PTPRA: variants seen among roughly 807,000 people sequenced by gnomAD.
PTPRA encodes the protein protein tyrosine phosphatase receptor type A.
A neutral mutation model predicts 104.8 loss-of-function variants in PTPRA; 25 were observed. That is an observed-to-expected ratio of 0.24 (90% CI 0.17 to 0.33). PTPRA has a LOEUF of 0.33. Ranked by LOEUF, PTPRA falls within the 10% of genes least tolerant of loss-of-function variation. The probability of loss-of-function intolerance (pLI) is 1.00; values close to 1 mark genes in which losing one functional copy is unlikely to be tolerated. For missense variants in PTPRA, 765 were observed against 1,015.3 expected, an observed-to-expected ratio of 0.75 and a Z score of 3.35; for synonymous variants, 323 against 368.9, an observed-to-expected ratio of 0.88 and a Z score of 1.43.
In PTPRA at chr20:3,021,440, T is replaced by C. The variant is rs200999079; in HGVS notation, c.1161+12T>C. 53 of 1,613,620 alleles carry C rather than the reference T, an allele frequency of 3.3e-5. No homozygotes were observed. Among genetic ancestry groups the C allele is most frequent in the East Asian group, 2.2e-5 (1 of 44,882 alleles). On this transcript the variant is annotated intron_variant, in intron 14 of 23. Transcript: ENST00000399903. ...TCTGCATCCAGCAGGTAGTGTCTCC[T>C]CTGTCCTTTCTCAGTTCTTATGTTG...
chr20:3,003,718 T>G (rs1022994192), intron 9 of PTPRA, among the ~76,000 whole-genome samples: 6 of 149,774 alleles, frequency 4.0e-5, no homozygotes, highest in African/African-American at 1.5e-4. Flanking sequence ...TTTTTTTTTT[T>G]TTTTTAATGT....
intron 5 of PTPRA, among the ~76,000 whole-genome samples, chr20:2,973,359 T>A (rs1428927414): frequency 1.3e-5 from 2 of 152,238 alleles, no homozygotes; most frequent in African/African-American, 4.8e-5. Context: ...TATTTAGTGC[T>A]GTGAATTTTG....
intron 1 of PTPRA, among the ~76,000 whole-genome samples, chr20:2,897,813 C>T (rs544396302): frequency 6.6e-6 from 1 of 151,698 alleles, no homozygotes; most frequent in African/African-American, 2.4e-5. Flanking sequence ...GTTCCTTTTT[C>T]ATGTATTTTT....
At chr20:2,867,944 G>A in the PTPRA span, among the ~76,000 whole-genome samples, 2 of 152,228 alleles carry the variant, frequency 1.3e-5, no homozygotes, top group Non-Finnish European at 2.9e-5. Context: ...TTCATTATGT[G>A]GGTCAAGAAT....
chr20:2,879,922 C>T (rs1016527832), intron 1 of PTPRA, among the ~76,000 whole-genome samples: 2 of 152,182 alleles, frequency 1.3e-5, no homozygotes, highest in African/African-American at 4.8e-5. Flanking sequence ...CATCAGGACT[C>T]ATCCTCAGAA....
At chr20:2,975,072 G>A (rs2062373022) in intron 5 of PTPRA, 143 bp from the exon 6 acceptor site, 2 of 659,556 alleles carry the variant, frequency 3.0e-6, no homozygotes, top group Non-Finnish European at 5.1e-6. Flanking sequence ...GTGAATCTGG[G>A]CAGCCTTGTT....
At chr20:2,947,895 C>A in intron 2 of PTPRA, 87 bp from the exon 3 acceptor site, 1 of 545,964 alleles carries the variant, frequency 1.8e-6, no homozygotes, top group Non-Finnish European at 2.9e-6. Context: ...ATTTGCCTAT[C>A]GATAATTTCT....
chr20:2,918,036 C>T (rs943259441), intron 1 of PTPRA, among the ~76,000 whole-genome samples: 1 of 144,680 alleles, frequency 6.9e-6, no homozygotes, highest in South Asian at 2.2e-4. Flanking sequence ...TTCAGTGAGC[C>T]GAGATTGCAC....
chr20:2,869,977 A>AT (rs1555798564), upstream of PTPRA, among the ~76,000 whole-genome samples: 2,388 of 150,106 alleles, frequency 0.016, 120 homozygotes, highest in Admixed American at 0.091. Context: ...CTGTCTTAAA[A>AT]ATATATATAT....
intron 20 of PTPRA, among the ~76,000 whole-genome samples, chr20:3,033,480 T>C (rs915804877): frequency 6.6e-6 from 1 of 152,048 alleles, no homozygotes; most frequent in South Asian, 2.1e-4. Flanking sequence ...ATGACTCATA[T>C]GCGCAGCCTC....
chr20:2,904,873 G>A (rs948151739), intron 1 of PTPRA, among the ~76,000 whole-genome samples: 5 of 152,148 alleles, frequency 3.3e-5, no homozygotes, highest in Non-Finnish European at 5.9e-5. Flanking sequence ...TCCTGTAACA[G>A]TGGGCTGTTT....
At chr20:2,897,384 CTTTTTT>C (rs60627339) in intron 1 of PTPRA, among the ~76,000 whole-genome samples, 1 of 108,916 alleles carries the variant, frequency 9.2e-6, no homozygotes, top group East Asian at 2.6e-4. Context: ...CTTGGCATTT[CTTTTTT>C]TTTTTTTTTT....
At chr20:2,903,210 A>G (rs1056464510) in intron 1 of PTPRA, among the ~76,000 whole-genome samples, 1 of 152,204 alleles carries the variant, frequency 6.6e-6, no homozygotes, top group African/African-American at 2.4e-5. Context: ...ATATTCCAAC[A>G]TCTTTAAAAA....
intron 2 of PTPRA, among the ~76,000 whole-genome samples, chr20:2,943,539 A>T (rs975188293): frequency 6.6e-6 from 1 of 152,142 alleles, no homozygotes; most frequent in Non-Finnish European, 1.5e-5. Context: ...TCTCATCCAA[A>T]AAAACCCCTC....
intron 6 of PTPRA, among the ~76,000 whole-genome samples, chr20:2,979,909 A>G (rs539210531): frequency 6.7e-6 from 1 of 149,482 alleles, no homozygotes; most frequent in South Asian, 2.1e-4. Context: ...GTTTGTTTTC[A>G]TTTTTGTTTT....
intron 1 of PTPRA, among the ~76,000 whole-genome samples, chr20:2,908,821 C>T (rs2059520472): frequency 6.6e-6 from 1 of 152,184 alleles, no homozygotes; most frequent in South Asian, 2.1e-4. Context: ...GCACTAATAA[C>T]TAATGATAGT....
chr20:3,004,041 G>A (rs548261602), intron 9 of PTPRA, among the ~76,000 whole-genome samples: 41 of 152,122 alleles, frequency 2.7e-4, no homozygotes, highest in African/African-American at 4.3e-4. Context: ...TTTTTGAGAC[G>A]GAGTCTCGCT....
At chr20:2,870,500 C>A (rs2089415541), upstream of PTPRA, among the ~76,000 whole-genome samples, 1 of 152,118 alleles carries the variant, frequency 6.6e-6, no homozygotes, top group Non-Finnish European at 1.5e-5. Context: ...TTTTCTTGTT[C>A]TTTTGTTTAT....
Position 2,980,566 on chromosome 20 carries a change from A to C in PTPRA, c.442+5325A>C, listed in dbSNP as rs577859342. Among the ~76,000 whole-genome samples, 17 of 151,812 alleles carry C rather than the reference A, an allele frequency of 1.1e-4. No homozygotes were observed. The South Asian group carries it at 2.5e-3, about 22-fold the overall frequency. On this transcript the variant is annotated intron_variant, in intron 6 of 23. Transcript: ENST00000399903. ...CTCCGTCTCGAGAAAAGAAAAAAAA[A>C]CGCAATGCAGCAGTGGCTCACGCAC...
Sources: gnomAD v4.1 joint callset for allele counts (sites outside exome capture counted in the v4.1 genomes callset) on GRCh38, gnomAD v4.1.1 for gene constraint, MANE v1.5 for transcripts, NCBI Gene and HGNC (gene_info 2026-07-23, HGNC 2026-07-21) for gene names.